RTL9: variants seen among roughly 807,000 people sequenced by gnomAD.
RTL9 encodes the protein retrotransposon Gag like 9.
A neutral mutation model predicts 44.7 loss-of-function variants in RTL9; 19 were observed. That is an observed-to-expected ratio of 0.42 (90% CI 0.30 to 0.62). RTL9 has a LOEUF of 0.62. Among genes scored for constraint, RTL9 ranks in the 20% least tolerant of loss-of-function variants. The pLI is 0.16. For missense variants in RTL9, 1,105 were observed against 1,080.6 expected (o/e 1.02, Z -0.32); for synonymous variants, 407 against 398.9 (o/e 1.02, Z -0.24).
intron 1 of RTL9, among the ~76,000 whole-genome samples, chrX:110,421,011 G>C (rs1001573800): frequency 8.9e-6 from 1 of 111,774 alleles, no homozygotes; most frequent in Non-Finnish European, 1.9e-5. Flanking sequence ...CTGCAAGCCT[G>C]TTAGGATTAT....
intron 1 of RTL9, among the ~76,000 whole-genome samples, chrX:110,410,961 G>T (rs2068638077): frequency 1.8e-5 from 2 of 112,133 alleles, no homozygotes; most frequent in Admixed American, 1.9e-4. Context: ...TTCCTATTTT[G>T]GTTCCTAAAT....
chrX:110,454,290 A>G lies in RTL9; in HGVS notation c.3673A>G (p.Ile1225Val), dbSNP rs1386729858. Residue 1225 changes from isoleucine (I) to valine (V), a missense_variant, in exon 1 of 2, where the codon ATA becomes GTA. Coordinates refer to ENST00000540313, the Ensembl canonical transcript of RTL9. ...ATCTTTCCTGAGAAGATCCCAGGGC[A>G]TATATGACTCCCTATCTGAGATAGA... The G allele has an allele frequency of 4.1e-6, 5 of 1,211,991 alleles. No individual in the cohort carries two copies. In the Admixed American group the frequency reaches 6.5e-5, roughly 16 times the overall value.
rs921720778 is a variant in RTL9, at chrX:110,392,893, G to A, written c.-168+33977G>A. ...TAAAAAGATTTGATGGTATGTATATGTGAGTTTGAGTGTTTGAGCTGGCGT... is the reference window on the plus strand; with the variant it reads ...TAAAAAGATTTGATGGTATGTATATATGAGTTTGAGTGTTTGAGCTGGCGT... On this transcript the variant is annotated intron_variant, in intron 1 of 2. Coordinates refer to the RTL9 transcript ENST00000520821. Among the ~76,000 whole-genome samples the A allele has an allele frequency of 6.2e-5, 7 of 112,270 alleles. No individual in the cohort carries two copies. In the East Asian group the frequency reaches 1.9e-3, roughly 31 times the overall value.
exon 1 of RTL9, chrX:110,454,067 C>T: frequency 8.3e-7 from 1 of 1,212,026 alleles, no homozygotes; most frequent in Non-Finnish European, 1.1e-6. Context: ...CACTCTGCTA[C>T]CTCTTAGAAG....
At chrX:110,446,462 G>A (rs1400743489), upstream of RTL9, among the ~76,000 whole-genome samples, 2 of 110,828 alleles carry the variant, frequency 1.8e-5, no homozygotes, top group African/African-American at 6.6e-5. Context: ...AAGGAGAGGA[G>A]TGAAAAGGGC....
At chrX:110,399,278 A>G (rs1189866927) in intron 1 of RTL9, among the ~76,000 whole-genome samples, 2 of 112,549 alleles carry the variant, frequency 1.8e-5, no homozygotes, top group East Asian at 5.5e-4. Context: ...AAACTTAGAA[A>G]TGCAGAAGCC....
chrX:110,429,652 T>C (rs150247937), intron 1 of RTL9, among the ~76,000 whole-genome samples: 3 of 109,658 alleles, frequency 2.7e-5, no homozygotes, highest in African/African-American at 1.0e-4. Flanking sequence ...CCTGCTAATT[T>C]TGTATTTTTA....
chrX:110,388,029 T>G (rs2068469620), intron 1 of RTL9, among the ~76,000 whole-genome samples: 1 of 109,731 alleles, frequency 9.1e-6, no homozygotes, highest in African/African-American at 3.3e-5. Context: ...GCCCAGCTAA[T>G]TTTCTTTTTT....
intron 1 of RTL9, among the ~76,000 whole-genome samples, chrX:110,423,360 G>GGAAGGA (rs1036335078): frequency 6.4e-5 from 7 of 110,125 alleles, no homozygotes; most frequent in Non-Finnish European, 1.3e-4. Flanking sequence ...AAAAGAAAGA[G>GGAAGGA]GAAGGAGAAG....
At chrX:110,416,717 T>A (rs929828831), upstream of RTL9, among the ~76,000 whole-genome samples, 2 of 112,235 alleles carry the variant, frequency 1.8e-5, no homozygotes, top group East Asian at 5.6e-4. Context: ...ATTAAAGCCA[T>A]ACGCTCTGCT....
chrX:110,454,799 C>T (rs769832070), intron 1 of RTL9, 135 bp downstream of exon 3: 3 of 546,645 alleles, frequency 5.5e-6, no homozygotes, highest in Non-Finnish European at 5.8e-6. Context: ...CCATTAAACC[C>T]CAGCAGTTTC....
chrX:110,361,955 C>T (rs973624445), intron 1 of RTL9, among the ~76,000 whole-genome samples: 11 of 111,640 alleles, frequency 9.9e-5, no homozygotes, highest in East Asian at 2.8e-4. Flanking sequence ...AAACAGGGAG[C>T]GGGCTAGATT....
intron 1 of RTL9, among the ~76,000 whole-genome samples, chrX:110,384,262 G>T (rs1478244394): frequency 9.0e-6 from 1 of 110,515 alleles, no homozygotes; most frequent in Non-Finnish European, 1.9e-5. Flanking sequence ...TTAAGTATTT[G>T]TTGGGGTCAG....
intron 1 of RTL9, among the ~76,000 whole-genome samples, chrX:110,407,068 T>C (rs1188586485): frequency 8.9e-6 from 1 of 111,758 alleles, no homozygotes; most frequent in Non-Finnish European, 1.9e-5. Context: ...CAAACGCTGC[T>C]TTAGGTGATT....
intron 1 of RTL9, among the ~76,000 whole-genome samples, chrX:110,371,744 AC>A (rs2068340353): frequency 9.0e-6 from 1 of 110,701 alleles, no homozygotes; most frequent in Admixed American, 9.6e-5. Context: ...TGAGCCACAG[AC>A]TTTTTTTTGG....
Position 110,454,794 on chromosome X carries a change from A to G in RTL9, c.4047+130A>G, listed in dbSNP as rs1252269237. The G allele has an allele frequency of 5.4e-6, 3 of 559,127 alleles. No homozygotes were observed. In the African/African-American group the frequency reaches 7.0e-5, roughly 13 times the overall value. 46.1% of individuals were successfully genotyped at this position (559,127 alleles called of 1,213,427 possible). A position where few individuals can be genotyped will look rare whatever the true frequency, so the allele number is the denominator to read the frequency against. On this transcript the variant is annotated intron_variant, in intron 1 of 1. Transcript: ENST00000540313. Reference sequence around the variant, plus strand: ...GGAGGCATGGAGCTCCTAGACCATTAAACCCCAGCAGTTTCATCAAGTGAG... The same window carrying G: ...GGAGGCATGGAGCTCCTAGACCATTGAACCCCAGCAGTTTCATCAAGTGAG...
chrX:110,363,175 G>T (rs761474792), intron 1 of RTL9, among the ~76,000 whole-genome samples: 8 of 111,943 alleles, frequency 7.1e-5, no homozygotes, highest in Non-Finnish European at 1.5e-4. Flanking sequence ...GGGCTATATG[G>T]GTGGGAATGG....
chrX:110,386,809 T>A (rs1173061060), intron 1 of RTL9, among the ~76,000 whole-genome samples: 1 of 112,516 alleles, frequency 8.9e-6, no homozygotes, highest in Admixed American at 9.4e-5. Context: ...AAGCTTCTCC[T>A]CTGTGCCAGG....
upstream of RTL9, among the ~76,000 whole-genome samples, chrX:110,417,900 A>G (rs765309871): frequency 2.8e-4 from 31 of 112,672 alleles, no homozygotes; most frequent in Non-Finnish European, 5.1e-4. Flanking sequence ...ATTTGAAACC[A>G]GGTCATTCCA....
Sources: allele counts gnomAD v4.1 joint callset (sites outside exome capture counted in the v4.1 genomes callset), GRCh38; gene constraint gnomAD v4.1.1; transcripts MANE v1.5; gene names NCBI Gene and HGNC (gene_info 2026-07-23, HGNC 2026-07-21).